DLGAP2: variants seen among roughly 807,000 people sequenced by gnomAD.
The protein encoded by DLGAP2 is disks large-associated protein 2.
DLGAP2 carries 26 observed loss-of-function variants against 100.3 expected under a neutral mutation model. The observed-to-expected ratio is 0.26, with a 90% CI of 0.19 to 0.36. The LOEUF (loss-of-function observed/expected upper bound fraction) is 0.36, where lower values mean the gene tolerates loss of function less well. Among genes scored for constraint, DLGAP2 ranks in the 10% least tolerant of loss-of-function variants. DLGAP2 has a pLI of 1.00. For synonymous variants in DLGAP2, 886 were observed against 630.1 expected (o/e 1.41, Z -6.08); for missense variants, 1,858 against 1,453.2 (o/e 1.28, Z -4.53).
chr8:947,735 C>G (rs549528251), intron 2 of DLGAP2, among the ~76,000 whole-genome samples: 1 of 152,350 alleles, frequency 6.6e-6, no homozygotes, highest in East Asian at 1.9e-4. Flanking sequence ...TCCATTCCCA[C>G]CCGTCACTTT....
intron 6 of DLGAP2, among the ~76,000 whole-genome samples, chr8:1,610,230 A>T (rs1023258215): frequency 6.6e-6 from 1 of 152,262 alleles, no homozygotes; most frequent in African/African-American, 2.4e-5. Context: ...CAGGATTAAG[A>T]ATCTCACTCA....
At chr8:1,224,537 A>T (rs1466027226) in intron 2 of DLGAP2, among the ~76,000 whole-genome samples, 1 of 151,932 alleles carries the variant, frequency 6.6e-6, no homozygotes, top group Non-Finnish European at 1.5e-5. Context: ...AATACAAAAA[A>T]TGATAGAAAA....
intron 4 of DLGAP2, among the ~76,000 whole-genome samples, chr8:1,509,511 C>T (rs1800081713): frequency 6.6e-6 from 1 of 151,542 alleles, no homozygotes; most frequent in African/African-American, 2.4e-5. Context: ...TTGGCAGGAG[C>T]AATACCTTGC....
chr8:756,544 T>C (rs549504362), intron 1 of DLGAP2, among the ~76,000 whole-genome samples: 3 of 152,324 alleles, frequency 2.0e-5, no homozygotes, highest in Admixed American at 1.3e-4. Context: ...TACTTTTTTT[T>C]CATCTCCCTG....
intron 2 of DLGAP2, among the ~76,000 whole-genome samples, chr8:1,245,491 T>C (rs906042358): frequency 3.3e-5 from 5 of 152,214 alleles, no homozygotes; most frequent in Non-Finnish European, 7.3e-5. Flanking sequence ...AAGCCAGTCA[T>C]GAAAACCACA....
chr8:1,292,255 T>C (rs1800075189), intron 3 of DLGAP2, among the ~76,000 whole-genome samples: 1 of 152,164 alleles, frequency 6.6e-6, no homozygotes, highest in African/African-American at 2.4e-5. Context: ...AGGTATTGGG[T>C]TCCCTCTGCC....
chr8:1,495,824 C>T (rs887041156), intron 3 of DLGAP2, among the ~76,000 whole-genome samples: 3 of 152,162 alleles, frequency 2.0e-5, no homozygotes, highest in Non-Finnish European at 4.4e-5. Flanking sequence ...ACTAATCACC[C>T]GGACTCAGCG....
At chr8:861,216 A>G (rs1277489446) in intron 1 of DLGAP2, among the ~76,000 whole-genome samples, 2 of 152,216 alleles carry the variant, frequency 1.3e-5, no homozygotes, top group African/African-American at 2.4e-5. Context: ...TATAACAACT[A>G]TTGACATAGC....
chr8:1,449,742 G>C (rs956147729), intron 3 of DLGAP2, among the ~76,000 whole-genome samples: 9 of 152,168 alleles, frequency 5.9e-5, no homozygotes, highest in African/African-American at 2.2e-4. Context: ...TAAGGATGCA[G>C]GATGCGAATG....
At chr8:969,036 G>T (rs1799949683) in intron 2 of DLGAP2, among the ~76,000 whole-genome samples, 1 of 152,214 alleles carries the variant, frequency 6.6e-6, no homozygotes, top group Admixed American at 6.5e-5. Context: ...GGGCCATGGG[G>T]TTCCCAGGCA....
chr8:784,394 A>G (rs943099997), intron 1 of DLGAP2, among the ~76,000 whole-genome samples: 2 of 152,248 alleles, frequency 1.3e-5, no homozygotes, highest in African/African-American at 4.8e-5. Context: ...ACGTCTTTTA[A>G]GCTTAAATAT....
intron 3 of DLGAP2, among the ~76,000 whole-genome samples, chr8:1,275,784 TATATA>T (rs1375276163): frequency 3.2e-5 from 4 of 124,000 alleles, no homozygotes; most frequent in South Asian, 2.3e-4. Context: ...TATATAAAAA[TATATA>T]ATATATAAAT....
At position 1,704,621 on chromosome 8, in the gene DLGAP2, C is replaced by G. The variant is rs1799657780; in HGVS notation, c.*3215C>G. 6.6e-6 allele frequency: 1 copy of G among 152,150 alleles called. No individual in the cohort carries two copies. Among genetic ancestry groups the G allele is most frequent in the Non-Finnish European group, 1.5e-5 (1 of 68,034 alleles). The allele number at this position is 152,150 out of a possible 1,614,324, so 9.4% of individuals were successfully genotyped here. A position where few individuals can be genotyped will look rare whatever the true frequency, so the allele number is the denominator to read the frequency against. On this transcript the variant is annotated 3_prime_UTR_variant, in exon 15 of 15. Coordinates refer to ENST00000637795, the MANE Select transcript of DLGAP2 (RefSeq NM_001346810.2). ...TAGAATGGTATATAAAAAAATTGAA[C>G]TGTTTATGATACCAAAAAAATTACA...
intron 8 of DLGAP2, among the ~76,000 whole-genome samples, chr8:1,665,705 C>T (rs1443205587): frequency 1.3e-5 from 2 of 152,240 alleles, no homozygotes; most frequent in Admixed American, 6.5e-5. Flanking sequence ...ATTGAGAGCC[C>T]CCGTCCGCAG....
chr8:883,318 T>G (rs1244574519), intron 1 of DLGAP2: 1 of 152,212 alleles, frequency 6.6e-6, no homozygotes, highest in Non-Finnish European at 1.5e-5. Flanking sequence ...AGGCACTGTA[T>G]GGCGGATAGA....
chr8:988,871 C>A (rs1162623819), intron 2 of DLGAP2, among the ~76,000 whole-genome samples: 1 of 152,224 alleles, frequency 6.6e-6, no homozygotes, highest in Non-Finnish European at 1.5e-5. Flanking sequence ...CAGTCACCTG[C>A]ATGAGAGCCC....
chr8:1,260,857 G>C (rs1331609389), intron 3 of DLGAP2, among the ~76,000 whole-genome samples: 1 of 152,218 alleles, frequency 6.6e-6, no homozygotes, highest in Non-Finnish European at 1.5e-5. Flanking sequence ...CCCCATCAGG[G>C]CTCTCCAGCC....
chr8:1,027,927 G>T (rs959111544), intron 2 of DLGAP2, among the ~76,000 whole-genome samples: 1 of 146,302 alleles, frequency 6.8e-6, no homozygotes, highest in African/African-American at 2.6e-5. Flanking sequence ...GGTGCTCGGT[G>T]CCTGTTATTC....
chr8:1,186,435 G>T (rs1214617976), intron 2 of DLGAP2, among the ~76,000 whole-genome samples: 1 of 152,196 alleles, frequency 6.6e-6, no homozygotes, highest in Non-Finnish European at 1.5e-5. Context: ...TCTCCAGCCC[G>T]CTGTGCAGCG....
Sources: gnomAD v4.1 joint callset for allele counts (sites outside exome capture counted in the v4.1 genomes callset) on GRCh38, gnomAD v4.1.1 for gene constraint, MANE v1.5 for transcripts, NCBI Gene and HGNC (gene_info 2026-07-23, HGNC 2026-07-21) for gene names.